The following HDAC4 variants were observed in gnomAD, a reference collection of about 807,000 sequenced individuals.
HDAC4 encodes histone deacetylase A.
Under a neutral mutation model 135.1 loss-of-function variants are expected in HDAC4, and 16 were observed. The observed-to-expected ratio is 0.12, with a 90% CI of 0.08 to 0.18. HDAC4 has a LOEUF of 0.18. HDAC4 is among the 10% of genes least tolerant of loss of function. The probability of loss-of-function intolerance (pLI) is 1.00; values close to 1 mark genes in which losing one functional copy is unlikely to be tolerated. For missense variants in HDAC4, 1,143 were observed against 1,511.8 expected, an observed-to-expected ratio of 0.76 and a Z score of 4.05; for synonymous variants, 685 against 653.4, an observed-to-expected ratio of 1.05 and a Z score of -0.74.
At chr2:239,128,221 C>T (rs751983327) in intron 11 of HDAC4, among the ~76,000 whole-genome samples, 9 of 152,118 alleles carry the variant, frequency 5.9e-5, no homozygotes, top group Admixed American at 2.0e-4. Context: ...TCCCTGAAAA[C>T]GTAAAAAAAG....
intron 3 of HDAC4, among the ~76,000 whole-genome samples, chr2:239,200,064 GT>G (rs549651991): frequency 3.4e-4 from 51 of 152,198 alleles, no homozygotes; most frequent in Non-Finnish European, 3.2e-4. Context: ...CTTGACCCCT[GT>G]GTGGGTCCCT....
chr2:239,294,554 G>T (rs2051735263), intron 2 of HDAC4, among the ~76,000 whole-genome samples: 1 of 152,172 alleles, frequency 6.6e-6, no homozygotes, highest in Admixed American at 6.5e-5. Context: ...AGTAGGTGGG[G>T]CTCTCTCTTT....
At chr2:239,211,002 AAAG>A (rs1246316895) in intron 3 of HDAC4, among the ~76,000 whole-genome samples, 5 of 152,332 alleles carry the variant, frequency 3.3e-5, no homozygotes, top group African/African-American at 4.8e-5. Flanking sequence ...TGCCATCCTA[AAAG>A]AAGGTGGATG....
chr2:239,268,630 A>G (rs952675756), intron 2 of HDAC4, among the ~76,000 whole-genome samples: 1 of 152,238 alleles, frequency 6.6e-6, no homozygotes, highest in East Asian at 1.9e-4. Context: ...CCTGCAGGCC[A>G]AGGAAGACAG....
At chr2:239,142,330 C>G (rs1176222192) in intron 8 of HDAC4, among the ~76,000 whole-genome samples, 1 of 152,158 alleles carries the variant, frequency 6.6e-6, no homozygotes, top group African/African-American at 2.4e-5. Context: ...CTCCACTCCT[C>G]CGTGTGGGAC....
chr2:239,053,870 T>G lies in HDAC4; in HGVS notation c.3089-269A>C, dbSNP rs544492534. 5.3e-5 allele frequency among the ~76,000 whole-genome samples: 8 copies of G among 152,268 alleles called. No homozygotes were observed. The South Asian group carries it at 1.7e-3, about 32-fold the overall frequency. ...ACCTAGGACTGCAGAGGGAGGCTCC[T>G]GTAGGCCTGGCTTTCCACGCTCACG... On this transcript the variant is annotated intron_variant, in intron 25 of 26. Coordinates refer to ENST00000543185, the MANE Select transcript of HDAC4 (RefSeq NM_001378414.1).
chr2:239,348,056 T>C (rs55952666), intron 2 of HDAC4, among the ~76,000 whole-genome samples: 10,486 of 117,010 alleles, frequency 0.09, 818 homozygotes, highest in Non-Finnish European at 0.097. Flanking sequence ...ATCGAGAGCA[T>C]CATCCCGGTG....
intron 2 of HDAC4, among the ~76,000 whole-genome samples, chr2:239,247,277 C>T (rs1007479823): frequency 2.6e-5 from 4 of 152,238 alleles, no homozygotes; most frequent in South Asian, 2.1e-4. Flanking sequence ...TTTTCACTCC[C>T]GAGAATTCTA....
At chr2:239,152,788 T>C (rs1280736087) in intron 7 of HDAC4, among the ~76,000 whole-genome samples, 1 of 152,158 alleles carries the variant, frequency 6.6e-6, no homozygotes, top group Non-Finnish European at 1.5e-5. Flanking sequence ...GGTGGGGGGA[T>C]GCTGGGTCTG....
rs993794314 is a variant in HDAC4 at position 239,049,528 on chromosome 2, T to G, written c.*3569A>C. ...GCCCATAAAACACGTGGGCCCAAAG[T>G]CTACAAAAAGAAGAATGGAATGAGC... is the stretch of plus-strand genomic sequence containing the variant. On this transcript the variant is annotated 3_prime_UTR_variant, in exon 27 of 27. Transcript: ENST00000543185. 5 of 152,148 alleles carry G rather than the reference T, an allele frequency of 3.3e-5. No homozygotes were observed. Among genetic ancestry groups the G allele is most frequent in the African/African-American group, 1.2e-4 (5 of 41,360 alleles). The allele number at this position is 152,148 out of a possible 1,614,324, so 9.4% of individuals were successfully genotyped here. A position where few individuals can be genotyped will look rare whatever the true frequency, so the allele number is the denominator to read the frequency against.
chr2:239,388,282 G>A (rs1337537721), intron 1 of HDAC4, among the ~76,000 whole-genome samples: 1 of 152,202 alleles, frequency 6.6e-6, no homozygotes, highest in Non-Finnish European at 1.5e-5. Context: ...GACCACTGTG[G>A]CTCTCCGCTC....
chr2:239,292,922 AG>A (rs1413131685), intron 2 of HDAC4, among the ~76,000 whole-genome samples: 2 of 152,220 alleles, frequency 1.3e-5, no homozygotes, highest in African/African-American at 4.8e-5. Flanking sequence ...AGTGGGAAAA[AG>A]AACATTTCCG....
At chr2:239,118,228 T>C (rs2039316065) in intron 12 of HDAC4, among the ~76,000 whole-genome samples, 1 of 151,558 alleles carries the variant, frequency 6.6e-6, no homozygotes, top group Non-Finnish European at 1.5e-5. Flanking sequence ...ACTTTCTTTC[T>C]AAGAGCAGTT....
intron 16 of HDAC4, among the ~76,000 whole-genome samples, chr2:239,100,106 T>C (rs959986667): frequency 7.2e-5 from 11 of 152,260 alleles, no homozygotes; most frequent in Admixed American, 2.6e-4. Flanking sequence ...GAGGCTCTGC[T>C]GTTTCTCCCT....
intron 2 of HDAC4, among the ~76,000 whole-genome samples, chr2:239,334,627 G>A (rs993810099): frequency 7.9e-5 from 12 of 152,082 alleles, no homozygotes; most frequent in African/African-American, 7.2e-5. Flanking sequence ...TAGCATATTC[G>A]TAGATTAGAA....
Position 239,165,468 on chromosome 2 carries a change from G to A in HDAC4, c.491-1545C>T, listed in dbSNP as rs368270661. 3.0e-4 allele frequency among the ~76,000 whole-genome samples: 45 copies of A among 151,980 alleles called. No homozygotes were observed. The South Asian group carries it at 8.9e-3, about 30-fold the overall frequency. ...TTAGAATCTTCCGGCGATGTGCACA[G>A]TGGTGTTGTGGGTCTGTGTGTGTGT... is the stretch of plus-strand genomic sequence containing the variant. On this transcript the variant is annotated intron_variant, in intron 5 of 26. Transcript: ENST00000543185.
chr2:239,111,746 G>A (rs539692938), intron 13 of HDAC4, 34 bp from the exon 14 acceptor site: 93 of 1,555,780 alleles, frequency 6.0e-5, no homozygotes, highest in South Asian at 2.1e-4. Flanking sequence ...TGGCGGTTGC[G>A]GATGTCTCCC....
rs559569028 is a variant in HDAC4 at position 239,138,662 on chromosome 2, C to T, written c.978+1022G>A. Among the ~76,000 whole-genome samples, 8 of 152,312 alleles carry T rather than the reference C, an allele frequency of 5.3e-5. No individual in the cohort carries two copies. In the East Asian group the frequency reaches 7.7e-4, roughly 15 times the overall value. On this transcript the variant is annotated intron_variant, in intron 9 of 26. Coordinates refer to ENST00000543185, the MANE Select transcript of HDAC4 (RefSeq NM_001378414.1). ...CAGGCCCAGGGCACCACTCAGCCTG[C>T]GGGACTGCCTCTCTCTGCCTCTCTC...
At chr2:239,326,405 G>T (rs370662256) in intron 2 of HDAC4, among the ~76,000 whole-genome samples, 1 of 152,166 alleles carries the variant, frequency 6.6e-6, no homozygotes, top group Non-Finnish European at 1.5e-5. Context: ...GTTTCTGTTC[G>T]GGAAGATGAA....
Sources: gnomAD v4.1 joint callset for allele counts (sites outside exome capture counted in the v4.1 genomes callset) on GRCh38, gnomAD v4.1.1 for gene constraint, MANE v1.5 for transcripts, NCBI Gene and HGNC (gene_info 2026-07-23, HGNC 2026-07-21) for gene names.